GALNT13: variants seen among roughly 807,000 people sequenced by gnomAD.
GALNT13 encodes the protein UDP-GalNAc:polypeptide N-acetylgalactosaminyltransferase 13.
In GALNT13, 28 loss-of-function variants were observed where a neutral mutation model predicts 64.2. That is an observed-to-expected ratio of 0.44 (90% CI 0.32 to 0.60). GALNT13 has a LOEUF of 0.60. Ranked by LOEUF, GALNT13 falls within the 20% of genes least tolerant of loss-of-function variation. The pLI is 0.05. For missense variants in GALNT13, 577 were observed against 669.8 expected (o/e 0.86, Z 1.53); for synonymous variants, 214 against 224.6 (o/e 0.95, Z 0.42).
chr2:153,087,962 A>G, the GALNT13 span, among the ~76,000 whole-genome samples: 241 of 151,782 alleles, frequency 1.6e-3, 1 homozygote, highest in Middle Eastern at 6.8e-3. Flanking sequence ...TATGAATTTC[A>G]TGTAGTTCTG....
In GALNT13 at chr2:154,348,867, C is replaced by T. The variant is rs115337997; in HGVS notation, c.1157-47124C>T. On this transcript the variant is annotated intron_variant, in intron 9 of 12. Transcript: ENST00000392825. ...AGTGCATAGTCAGAATCAAACAGAG[C>T]CTTTCCAGAAGTTTTTAAAGGGTCA... Among the ~76,000 whole-genome samples the T allele has an allele frequency of 7.8e-3, 1,189 of 152,100 alleles. 14 individuals carry two copies. The highest frequency in any genetic ancestry group is 0.027 in the African/African-American group (1,131 of 41,486).
chr2:154,104,518 G>A (rs917580492), intron 3 of GALNT13, among the ~76,000 whole-genome samples: 1 of 152,182 alleles, frequency 6.6e-6, no homozygotes, highest in African/African-American at 2.4e-5. Context: ...GGGGAAGAGG[G>A]GGTGACCCTC....
intron 3 of GALNT13, among the ~76,000 whole-genome samples, chr2:153,954,992 T>TTA (rs1558872930): frequency 7.1e-6 from 1 of 140,442 alleles, no homozygotes; most frequent in Non-Finnish European, 1.5e-5. Context: ...TGACTTCGGG[T>TTA]AAAAAAAAAA....
the GALNT13 span, among the ~76,000 whole-genome samples, chr2:153,574,237 A>G: frequency 6.7e-6 from 1 of 150,086 alleles, no homozygotes; most frequent in Non-Finnish European, 1.5e-5. Context: ...GAAATCCGTT[A>G]TATGTTATTT....
At chr2:153,187,168 A>G in the GALNT13 span, among the ~76,000 whole-genome samples, 2 of 152,240 alleles carry the variant, frequency 1.3e-5, no homozygotes, top group Admixed American at 1.3e-4. Flanking sequence ...TATTAAAAAA[A>G]TAATAATTGA....
At chr2:153,228,435 T>G in the GALNT13 span, among the ~76,000 whole-genome samples, 1 of 152,236 alleles carries the variant, frequency 6.6e-6, no homozygotes, top group Non-Finnish European at 1.5e-5. Flanking sequence ...GACAAATCAG[T>G]GCCACAGTTG....
the GALNT13 span, among the ~76,000 whole-genome samples, chr2:153,738,247 A>G: frequency 4.6e-5 from 7 of 152,026 alleles, no homozygotes; most frequent in Admixed American, 3.3e-4. Flanking sequence ...TTCTGTTTTT[A>G]TTCTTACTAG....
intron 3 of GALNT13, among the ~76,000 whole-genome samples, chr2:154,040,771 G>GC (rs1175178781): frequency 7.1e-6 from 1 of 139,900 alleles, no homozygotes; most frequent in African/African-American, 2.5e-5. Flanking sequence ...TTATTGAACT[G>GC]GGAAAATGAT....
chr2:154,123,654 G>A (rs191590686), intron 3 of GALNT13, among the ~76,000 whole-genome samples: 1 of 151,886 alleles, frequency 6.6e-6, no homozygotes, highest in Non-Finnish European at 1.5e-5. Flanking sequence ...AGAACGGTTT[G>A]TCATTTCTTA....
At chr2:153,724,199 T>C in the GALNT13 span, among the ~76,000 whole-genome samples, 4 of 143,204 alleles carry the variant, frequency 2.8e-5, no homozygotes, top group African/African-American at 8.5e-5. Context: ...AAACAAGCAA[T>C]GGGGAAAGGA....
chr2:153,345,640 T>TTTCTTTCC, the GALNT13 span, among the ~76,000 whole-genome samples: 1 of 68,570 alleles, frequency 1.5e-5, no homozygotes, highest in East Asian at 4.6e-4. Flanking sequence ...TTTCTTTTTC[T>TTTCTTTCC]TTCTTTCTTT....
At chr2:153,358,096 A>G in the GALNT13 span, among the ~76,000 whole-genome samples, 2 of 152,192 alleles carry the variant, frequency 1.3e-5, no homozygotes, top group African/African-American at 4.8e-5. Flanking sequence ...GCTACTTAAA[A>G]GTGCTGTGCA....
chr2:154,222,049 G>C, intron 4 of GALNT13, among the ~76,000 whole-genome samples: 1 of 151,902 alleles, frequency 6.6e-6, no homozygotes, highest in East Asian at 1.9e-4. Context: ...CATTTTTCTA[G>C]CATTTCAGAA....
At chr2:153,495,317 A>G in the GALNT13 span, among the ~76,000 whole-genome samples, 2 of 151,510 alleles carry the variant, frequency 1.3e-5, no homozygotes, top group African/African-American at 4.8e-5. Flanking sequence ...CTCAAAACAA[A>G]CAAACAAACA....
chr2:153,525,642 C>T, the GALNT13 span, among the ~76,000 whole-genome samples: 1 of 152,150 alleles, frequency 6.6e-6, no homozygotes, highest in African/African-American at 2.4e-5. Flanking sequence ...TAATGCCTGA[C>T]GATCCCCCAC....
chr2:153,650,018 T>C, the GALNT13 span, among the ~76,000 whole-genome samples: 2 of 152,160 alleles, frequency 1.3e-5, no homozygotes, highest in African/African-American at 2.4e-5. Context: ...CTGAATATCC[T>C]TGTTAACTTT....
At chr2:153,679,051 C>T in the GALNT13 span, among the ~76,000 whole-genome samples, 1 of 151,964 alleles carries the variant, frequency 6.6e-6, no homozygotes, top group African/African-American at 2.4e-5. Flanking sequence ...CCTATGTTAT[C>T]ATGATTGAGG....
At chr2:153,793,474 T>C in the GALNT13 span, among the ~76,000 whole-genome samples, 4 of 152,196 alleles carry the variant, frequency 2.6e-5, no homozygotes, top group East Asian at 1.9e-4. Context: ...AATCCTTTAA[T>C]GGTGCAGTAG....
chr2:153,070,704 G>A, the GALNT13 span, among the ~76,000 whole-genome samples: 83 of 152,236 alleles, frequency 5.5e-4, 1 homozygote, highest in Middle Eastern at 6.8e-3. Context: ...TGGAGACACC[G>A]GAAGTACTAA....
Sources: gnomAD v4.1 joint callset for allele counts (sites outside exome capture counted in the v4.1 genomes callset) on GRCh38, gnomAD v4.1.1 for gene constraint, MANE v1.5 for transcripts, NCBI Gene and HGNC (gene_info 2026-07-23, HGNC 2026-07-21) for gene names.